Variants in DZIP3 observed in about 807,000 individuals in gnomAD.
DZIP3 encodes the protein DAZ interacting zinc finger protein 3, also known as E3 ubiquitin-protein ligase DZIP3.
Under a neutral mutation model 162.0 loss-of-function variants are expected in DZIP3, and 118 were observed. The ratio of observed to expected loss-of-function variants is 0.73; its 90% CI spans 0.63 to 0.85. The LOEUF (loss-of-function observed/expected upper bound fraction) is 0.85, where lower values mean the gene tolerates loss of function less well. Ranked by LOEUF, DZIP3 falls within the 40% of genes least tolerant of loss-of-function variation. The probability of loss-of-function intolerance (pLI) is 0.00; values close to 1 mark genes in which losing one functional copy is unlikely to be tolerated. For missense variants in DZIP3, 1,331 were observed against 1,407.0 expected (o/e 0.95, Z 0.86); for synonymous variants, 438 against 458.6 (o/e 0.96, Z 0.57).
At chr3:108,653,585 A>T (rs1482811386) in intron 18 of DZIP3, among the ~76,000 whole-genome samples, 1 of 146,330 alleles carries the variant, frequency 6.8e-6, no homozygotes, top group Admixed American at 6.9e-5. Flanking sequence ...TTAGTAGTGT[A>T]GTTACTGAAA....
intron 6 of DZIP3, among the ~76,000 whole-genome samples, chr3:108,624,922 T>A (rs1941526172): frequency 6.6e-6 from 1 of 152,168 alleles, no homozygotes; most frequent in Non-Finnish European, 1.5e-5. Context: ...ATTTCTCATA[T>A]TTTCTTCATA....
chr3:108,661,507 G>A (rs1461560550), intron 19 of DZIP3, among the ~76,000 whole-genome samples: 1 of 152,068 alleles, frequency 6.6e-6, no homozygotes, highest in Non-Finnish European at 1.5e-5. Context: ...AGGGGGAAGA[G>A]ATAGCATTAT....
chr3:108,607,072 T>G (rs902428329), intron 2 of DZIP3, among the ~76,000 whole-genome samples: 2 of 152,196 alleles, frequency 1.3e-5, no homozygotes, highest in African/African-American at 4.8e-5. Context: ...TTTGCTTTAT[T>G]TTTTGTAGGG....
Position 108,684,196 on chromosome 3 carries a change from G to A in DZIP3, c.2884-20G>A. The A allele has an allele frequency of 1.3e-6, 2 of 1,591,458 alleles. No homozygotes were observed. Among genetic ancestry groups the A allele is most frequent in the Non-Finnish European group, 1.7e-6 (2 of 1,169,562 alleles). ...GTGGGGGGGGGTGTTGTTTATTATT[G>A]TTTATATTTTCTATTTTAGATGCAG... On this transcript the variant is annotated intron_variant, in intron 26 of 32. Coordinates refer to ENST00000361582, the MANE Select transcript of DZIP3 (RefSeq NM_014648.4).
chr3:108,652,042 A>AGTTTT (rs149146371), intron 18 of DZIP3, among the ~76,000 whole-genome samples: 1 of 151,502 alleles, frequency 6.6e-6, no homozygotes, highest in Admixed American at 6.6e-5. Context: ...CTGGAGCAAT[A>AGTTTT]GTTTTGTTTT....
chr3:108,616,677 A>C lies in DZIP3; in HGVS notation c.375+20A>C, dbSNP rs1298386975. 1.3e-6 allele frequency: 2 copies of C among 1,512,766 alleles called. No individual in the cohort carries two copies. Among genetic ancestry groups the C allele is most frequent in the South Asian group, 2.4e-5 (2 of 83,296 alleles). The allele number at this position is 1,512,766 out of a possible 1,614,324, so 93.7% of individuals were successfully genotyped here. A position where few individuals can be genotyped will look rare whatever the true frequency, so the allele number is the denominator to read the frequency against. ...TATACCGTAAGTGTTTTCTTTTTGG[A>C]AATTTGATATAATGGACTTGGTCAA... On this transcript the variant is annotated intron_variant, in intron 5 of 32. Coordinates refer to ENST00000361582, the MANE Select transcript of DZIP3 (RefSeq NM_014648.4).
chr3:108,693,640 C>T lies in DZIP3; in HGVS notation c.*287C>T, dbSNP rs762951728. The T allele has an allele frequency of 3.9e-5, 6 of 152,056 alleles. No individual in the cohort carries two copies. The highest frequency in any genetic ancestry group is 6.5e-5 in the Admixed American group (1 of 15,268). The allele number at this position is 152,056 out of a possible 1,614,324, so 9.4% of individuals were successfully genotyped here. A position where few individuals can be genotyped will look rare whatever the true frequency, so the allele number is the denominator to read the frequency against. ...TTTCTTTGTGTTCCCAGTGTCTTGC[C>T]CAGTAGATACAAGATAAATATTGCC... On this transcript the variant is annotated 3_prime_UTR_variant, in exon 33 of 33. Transcript: ENST00000361582.
chr3:108,601,478 A>G (rs1940013705), intron 1 of DZIP3, among the ~76,000 whole-genome samples: 1 of 152,130 alleles, frequency 6.6e-6, no homozygotes, highest in Non-Finnish European at 1.5e-5. Flanking sequence ...GACAAAATAT[A>G]TTACTTTGTT....
At chr3:108,668,215 A>G (rs922673533) in intron 21 of DZIP3, among the ~76,000 whole-genome samples, 1 of 152,100 alleles carries the variant, frequency 6.6e-6, no homozygotes, top group Non-Finnish European at 1.5e-5. Flanking sequence ...TGGATAAACT[A>G]CAATAAGCAG....
chr3:108,667,826 G>A (rs1236524830), intron 21 of DZIP3, among the ~76,000 whole-genome samples: 1 of 152,088 alleles, frequency 6.6e-6, no homozygotes, highest in Non-Finnish European at 1.5e-5. Flanking sequence ...TTGTGATAAG[G>A]AACTTCCTTC....
At chr3:108,638,103 A>G (rs1213536355) in intron 12 of DZIP3, among the ~76,000 whole-genome samples, 2 of 152,170 alleles carry the variant, frequency 1.3e-5, no homozygotes, top group Non-Finnish European at 2.9e-5. Context: ...CTAAAGCATC[A>G]GTTTTCCCTT....
At chr3:108,596,112 G>A (rs1463649450) in intron 1 of DZIP3, among the ~76,000 whole-genome samples, 1 of 152,194 alleles carries the variant, frequency 6.6e-6, no homozygotes, top group African/African-American at 2.4e-5. Flanking sequence ...ATAGGATGGA[G>A]TACTAATTGA....
chr3:108,662,529 A>C (rs1943486052), intron 21 of DZIP3, among the ~76,000 whole-genome samples: 1 of 152,244 alleles, frequency 6.6e-6, no homozygotes, highest in Admixed American at 6.5e-5. Flanking sequence ...ATTAACTTTC[A>C]GGTCATGACT....
chr3:108,654,428 A>G, intron 19 of DZIP3, 118 bp downstream of exon 19: 1 of 1,140,508 alleles, frequency 8.8e-7, no homozygotes, highest in Non-Finnish European at 1.3e-6. Context: ...TGTGAGGAGA[A>G]AGAGAAAAGC....
intron 26 of DZIP3, among the ~76,000 whole-genome samples, chr3:108,679,464 C>G (rs1944226009): frequency 6.6e-6 from 1 of 152,090 alleles, no homozygotes; most frequent in African/African-American, 2.4e-5. Context: ...TGCTAACATT[C>G]TGAGGGGTTC....
Position 108,644,636 on chromosome 3 carries a change from G to A in DZIP3, c.1614G>A (p.Leu538=), listed in dbSNP as rs374367642. The A allele has an allele frequency of 3.1e-5, 50 of 1,614,044 alleles. No homozygotes were observed. The African/African-American group carries it at 6.1e-4, about 20-fold the overall frequency. ...GGAAAAAAGTTTCAGATATTCTTCT[G>A]CGCCTTGGGATGATGCAAGAGGATA... ...SIWKKVSDIL[L]RLGMMQEDID... is the part of the protein sequence containing the mutation. Residue 538 remains leucine, a synonymous_variant, in exon 14 of 33, where the codon CTG becomes CTA. Coordinates refer to ENST00000361582, the MANE Select transcript of DZIP3 (RefSeq NM_014648.4).
At chr3:108,644,053 A>T in intron 13 of DZIP3, 111 bp from the exon 14 acceptor site, 1 of 1,338,074 alleles carries the variant, frequency 7.5e-7, no homozygotes, top group Non-Finnish European at 1.0e-6. Context: ...ACTATCCTTC[A>T]TTCTTTTGGA....
In DZIP3 at chr3:108,625,787, T is replaced by C. The variant is rs543450482; in HGVS notation, c.457-58T>C. The C allele has an allele frequency of 1.2e-3, 1,583 of 1,350,800 alleles. 15 individuals carry two copies. Among genetic ancestry groups the C allele is most frequent in the Non-Finnish European group, 4.7e-4 (480 of 1,030,446 alleles). 83.7% of individuals were successfully genotyped at this position (1,350,800 alleles called of 1,614,324 possible). A position where few individuals can be genotyped will look rare whatever the true frequency, so the allele number is the denominator to read the frequency against. On this transcript the variant is annotated intron_variant, in intron 6 of 32. Coordinates refer to ENST00000361582, the MANE Select transcript of DZIP3 (RefSeq NM_014648.4). Reference sequence around the variant, plus strand: ...TCCAGTTTGAGAAGTAATTGTTTATTGTAAAAAAAAAAAAAATGACTTTTA... The same window carrying C: ...TCCAGTTTGAGAAGTAATTGTTTATCGTAAAAAAAAAAAAAATGACTTTTA...
Position 108,633,031 on chromosome 3 carries a change from C to T in DZIP3, c.775C>T (p.Arg259Ter), listed in dbSNP as rs1188729389. The T allele has an allele frequency of 4.0e-6, 6 of 1,495,578 alleles. No homozygotes were observed. The highest frequency in any genetic ancestry group is 2.8e-5 in the African/African-American group (2 of 71,020). 92.6% of individuals were successfully genotyped at this position (1,495,578 alleles called of 1,614,324 possible). The change falls in exon 9 of 33, where the codon CGA becomes TGA. Residue 259 changes from arginine (R) to a stop codon, truncating the protein, a stop_gained. Transcript: ENST00000361582. LOFTEE classifies it high-confidence loss of function. ...QTICSYLDCE[R>*]SCEADILKNT... Reference sequence around the variant, plus strand: ...GATTTGTAGTTACCTAGATTGTGAACGATCTTGTGAAGCTGACATTTTGAA... The same window carrying T: ...GATTTGTAGTTACCTAGATTGTGAATGATCTTGTGAAGCTGACATTTTGAA...
Sources: allele counts gnomAD v4.1 joint callset (sites outside exome capture counted in the v4.1 genomes callset), GRCh38; gene constraint gnomAD v4.1.1; transcripts MANE v1.5; gene names NCBI Gene and HGNC (gene_info 2026-07-23, HGNC 2026-07-21).